The following ARHGAP1 variants were observed in gnomAD, a reference collection of about 807,000 sequenced individuals.
ARHGAP1 encodes rho GTPase-activating protein 1.
In ARHGAP1, 23 loss-of-function variants were observed where a neutral mutation model predicts 52.2. The observed-to-expected ratio is 0.44, with a 90% CI of 0.32 to 0.62. The LOEUF is 0.62. Ranked by LOEUF, ARHGAP1 falls within the 20% of genes least tolerant of loss-of-function variation. ARHGAP1 has a pLI of 0.05. For synonymous variants in ARHGAP1, 210 were observed against 228.4 expected (o/e 0.92, Z 0.73); for missense variants, 480 against 560.9 (o/e 0.86, Z 1.46).
chr11:46,688,235 G>A lies in ARHGAP1; in HGVS notation c.255C>T (p.Ile85=). The A allele has an allele frequency of 6.2e-7, 1 of 1,614,024 alleles. No individual in the cohort carries two copies. ...VAGDDKYGRK[I]IVFSACRMPP... ...GCATTCGACAGGCACTAAACACAAT[G>A]ATCTTCCGCCCATACTTGTCATCTC... The change falls in exon 4 of 13, where the codon ATC becomes ATT. Residue 85 remains isoleucine, a synonymous_variant. Transcript: ENST00000311956.
chr11:46,680,834 A>T lies in ARHGAP1; in HGVS notation c.636-87T>A. On this transcript the variant is annotated intron_variant, in intron 7 of 12. Coordinates refer to ENST00000311956, the MANE Select transcript of ARHGAP1 (RefSeq NM_004308.5). The surrounding 1 kb of genome is among the most constrained non-coding windows in gnomAD (Gnocchi z 5.9). ...AATCAAGCATTGACCACGCGGGGTC[A>T]GGAGGATCATCTCATGCGATCTCTG... The T allele has an allele frequency of 2.6e-6, 3 of 1,148,198 alleles. No homozygotes were observed. The highest frequency in any genetic ancestry group is 3.7e-6 in the Non-Finnish European group (3 of 811,116). The allele number at this position is 1,148,198 out of a possible 1,614,324, so 71.1% of individuals were successfully genotyped here.
At position 46,680,307 on chromosome 11, in the gene ARHGAP1, G is replaced by A. The variant is rs371547484; in HGVS notation, c.821-25C>T. Reference sequence around the variant, plus strand: ...GCTGGGAAACAGTAGGGCCTGGTGAGCCTCCGAGCGCTGGGCACCGGCTGG... The same window carrying A: ...GCTGGGAAACAGTAGGGCCTGGTGAACCTCCGAGCGCTGGGCACCGGCTGG... On this transcript the variant is annotated intron_variant, in intron 9 of 12. Transcript: ENST00000311956. The surrounding 1 kb of genome is among the most constrained non-coding windows in gnomAD (Gnocchi z 5.9). 3.1e-6 allele frequency: 5 copies of A among 1,612,624 alleles called. No homozygotes were observed. In the African/African-American group the frequency reaches 4.0e-5, roughly 13 times the overall value.
intron 1 of ARHGAP1, among the ~76,000 whole-genome samples, chr11:46,700,015 C>T (rs2064689161): frequency 6.6e-6 from 1 of 151,886 alleles, no homozygotes; most frequent in African/African-American, 2.4e-5. Flanking sequence ...ACTAAAAATA[C>T]AAAAATTAGC....
chr11:46,690,710 C>G (rs1391008913), intron 3 of ARHGAP1, among the ~76,000 whole-genome samples: 1 of 152,168 alleles, frequency 6.6e-6, no homozygotes. Flanking sequence ...TTAGCTGCCC[C>G]TTTTCATGGC....
At position 46,679,794 on chromosome 11, in the gene ARHGAP1, TGA is replaced by T. The variant is rs753477070; in HGVS notation, c.899-20_899-19del. On this transcript the variant is annotated intron_variant, in intron 10 of 12. Transcript: ENST00000311956. This position sits in a 1 kb window ranked among gnomAD's most constrained non-coding sequence, Gnocchi z 4.4. Reference sequence around the variant, plus strand: ...AGGCAGCCCTGGGGTGGGGGCAGCGTGAGAGAAGCTCGGCACAGCCTGAAGGG... The same window carrying T: ...AGGCAGCCCTGGGGTGGGGGCAGCGTGAGAAGCTCGGCACAGCCTGAAGGG... 4.3e-6 allele frequency: 7 copies of T among 1,612,524 alleles called. No homozygotes were observed. In the Admixed American group the frequency reaches 1.0e-4, roughly 23 times the overall value.
In ARHGAP1 at chr11:46,681,394, TGGACAACTCA is replaced by T; in HGVS notation, c.450-25_450-16del. ...TTTTCTTGTACCTGCAGAGACAGAA[TGGACAACTCA>T]GGAGCAGGCGTGGTGGGACAGGTGC... On this transcript the variant is annotated splice_polypyrimidine_tract_variant and intron_variant, in intron 5 of 12. Coordinates refer to ENST00000311956, the MANE Select transcript of ARHGAP1 (RefSeq NM_004308.5). The surrounding 1 kb of genome is among the most constrained non-coding windows in gnomAD (Gnocchi z 5.7). 6.3e-7 allele frequency: 1 copy of T among 1,587,100 alleles called. No homozygotes were observed. Among genetic ancestry groups the T allele is most frequent in the Non-Finnish European group, 8.7e-7 (1 of 1,155,658 alleles).
chr11:46,679,950 C>T lies in ARHGAP1; in HGVS notation c.899-174G>A. The T allele has an allele frequency of 3.4e-6, 4 of 1,187,250 alleles. No homozygotes were observed. The highest frequency in any genetic ancestry group is 4.6e-6 in the Non-Finnish European group (4 of 865,106). 73.5% of individuals were successfully genotyped at this position (1,187,250 alleles called of 1,614,324 possible). The stretch of plus-strand genomic sequence containing the variant: ...CCTCTGTGATCAGAGAATGCAGGTT[C>T]CGGCCATCTGGGGAAGTGGGGCCCG... On this transcript the variant is annotated intron_variant, in intron 10 of 12. Transcript: ENST00000311956. The surrounding 1 kb of genome is among the most constrained non-coding windows in gnomAD (Gnocchi z 4.4).
At chr11:46,685,395 T>C (rs1369075789) in intron 4 of ARHGAP1, among the ~76,000 whole-genome samples, 1 of 151,658 alleles carries the variant, frequency 6.6e-6, no homozygotes. Flanking sequence ...TGGCATGATC[T>C]TGGCACACTG....
In ARHGAP1 at chr11:46,696,512, A is replaced by G. The variant is rs540902232; in HGVS notation, c.-49-356T>C. Among the ~76,000 whole-genome samples the G allele has an allele frequency of 1.9e-3, 290 of 152,308 alleles. No individual in the cohort carries two copies. Among genetic ancestry groups the G allele is most frequent in the Non-Finnish European group, 3.2e-3 (217 of 68,022 alleles). On this transcript the variant is annotated intron_variant, in intron 1 of 12. Coordinates refer to ENST00000311956, the MANE Select transcript of ARHGAP1 (RefSeq NM_004308.5). The surrounding 1 kb of genome is among the most constrained non-coding windows in gnomAD (Gnocchi z 4.8). ...GGCAGAGGTCCACGCCCCTCGCCTC[A>G]GGAGACCTGGACACAGAAGCCTCCC...
chr11:46,680,319 TG>T lies in ARHGAP1; in HGVS notation c.821-38del, dbSNP rs2064514798. ...TAGGGCCTGGTGAGCCTCCGAGCGC[TG>T]GGCACCGGCTGGATTCCCTGCCCCT... On this transcript the variant is annotated intron_variant, in intron 9 of 12. Transcript: ENST00000311956. The surrounding 1 kb of genome is among the most constrained non-coding windows in gnomAD (Gnocchi z 5.9). 3 of 1,607,824 alleles carry T rather than the reference TG, an allele frequency of 1.9e-6. No homozygotes were observed. Among genetic ancestry groups the T allele is most frequent in the Non-Finnish European group, 2.6e-6 (3 of 1,174,688 alleles).
chr11:46,687,501 T>A (rs1437463712), intron 4 of ARHGAP1: 1 of 152,314 alleles, frequency 6.6e-6, no homozygotes, highest in Non-Finnish European at 1.5e-5. Flanking sequence ...AAGAACTGCA[T>A]CTTTCTAAAA....
Position 46,678,013 on chromosome 11 carries a change from T to A in ARHGAP1, c.*1024A>T. 2.4e-6 allele frequency: 1 copy of A among 419,640 alleles called. No homozygotes were observed. The highest frequency in any genetic ancestry group is 4.7e-6 in the Non-Finnish European group (1 of 214,602). The allele number at this position is 419,640 out of a possible 1,614,324, so 26.0% of individuals were successfully genotyped here. ...GGGAAATTGCTAGAACCCACCTATCTGGACTGACCTATCAGCACAATCTCT... is the reference window on the plus strand; with the variant it reads ...GGGAAATTGCTAGAACCCACCTATCAGGACTGACCTATCAGCACAATCTCT... On this transcript the variant is annotated 3_prime_UTR_variant, in exon 13 of 13. Transcript: ENST00000311956.
In ARHGAP1 at chr11:46,677,650, C is replaced by CTTT. The variant is rs374193595; in HGVS notation, c.*1384_*1386dup. ...ATCAGCCATCACTGGGGCCGAGGTT[C>CTTT]TTTGAAAGACAACAGGGCTGGCCGG... On this transcript the variant is annotated 3_prime_UTR_variant, in exon 13 of 13. Transcript: ENST00000311956. 2.2e-5 allele frequency: 5 copies of CTTT among 230,766 alleles called. No homozygotes were observed. The highest frequency in any genetic ancestry group is 1.2e-4 in the African/African-American group (5 of 42,096). The allele number at this position is 230,766 out of a possible 1,614,324, so 14.3% of individuals were successfully genotyped here.
intron 1 of ARHGAP1, among the ~76,000 whole-genome samples, chr11:46,699,689 T>C (rs1413981181): frequency 2.3e-5 from 3 of 128,082 alleles, no homozygotes; most frequent in African/African-American, 3.1e-5. Context: ...GGCGACAGAG[T>C]GAGACTCCGT....
intron 3 of ARHGAP1, among the ~76,000 whole-genome samples, chr11:46,689,467 A>G (rs2064595212): frequency 6.6e-6 from 1 of 152,206 alleles, no homozygotes; most frequent in South Asian, 2.1e-4. Context: ...GACATTATGC[A>G]CTAAATATTA....
chr11:46,683,968 A>G (rs547459892), intron 4 of ARHGAP1, among the ~76,000 whole-genome samples: 14 of 152,296 alleles, frequency 9.2e-5, no homozygotes, highest in Admixed American at 6.5e-4. Context: ...TTGGCCAAAC[A>G]GCTCCTAGGC....
chr11:46,679,229 T>C lies in ARHGAP1; in HGVS notation c.1132-4A>G. 1 of 1,597,440 alleles carries C rather than the reference T, an allele frequency of 6.3e-7. No individual in the cohort carries two copies. The highest frequency in any genetic ancestry group is 8.5e-7 in the Non-Finnish European group (1 of 1,170,320). On this transcript the variant is annotated splice_polypyrimidine_tract_variant and splice_region_variant and intron_variant, in intron 12 of 12. Coordinates refer to ENST00000311956, the MANE Select transcript of ARHGAP1 (RefSeq NM_004308.5). The surrounding 1 kb of genome is among the most constrained non-coding windows in gnomAD (Gnocchi z 4.4). ...TCTGGTCACTGTGTGCAGAAATCTG[T>C]GGAGGGAATCAGGGACTGCAGCAGG...
rs1196118614 is a variant in ARHGAP1, at chr11:46,680,024, C to T, written c.898+181G>A. On this transcript the variant is annotated intron_variant, in intron 10 of 12. Coordinates refer to ENST00000311956, the MANE Select transcript of ARHGAP1 (RefSeq NM_004308.5). The surrounding 1 kb of genome is among the most constrained non-coding windows in gnomAD (Gnocchi z 5.9). The stretch of plus-strand genomic sequence containing the variant: ...CCTCTGAATGTGCCTATACCCAGGA[C>T]CCGGGAGCCCGACCGATGAGGCAGC... Among the ~76,000 whole-genome samples the T allele has an allele frequency of 6.6e-6, 1 of 152,100 alleles. No individual in the cohort carries two copies. Among genetic ancestry groups the T allele is most frequent in the Non-Finnish European group, 1.5e-5 (1 of 68,002 alleles).
chr11:46,680,417 C>T lies in ARHGAP1; in HGVS notation c.820+70G>A. 1.3e-6 allele frequency: 2 copies of T among 1,597,114 alleles called. No individual in the cohort carries two copies. The highest frequency in any genetic ancestry group is 1.7e-6 in the Non-Finnish European group (2 of 1,165,304). On this transcript the variant is annotated intron_variant, in intron 9 of 12. Transcript: ENST00000311956. The surrounding 1 kb of genome is among the most constrained non-coding windows in gnomAD (Gnocchi z 5.9). Reference sequence around the variant, plus strand: ...TTGCAGGACCTCCCTCTGCCCTGCCCAGCAGCTTCCCCAGCTTCCTGAAGG... The same window carrying T: ...TTGCAGGACCTCCCTCTGCCCTGCCTAGCAGCTTCCCCAGCTTCCTGAAGG...
Sources: allele counts gnomAD v4.1 joint callset (sites outside exome capture counted in the v4.1 genomes callset), GRCh38; gene constraint gnomAD v4.1.1; non-coding constraint Gnocchi (gnomAD v3.1); transcripts MANE v1.5; gene names NCBI Gene and HGNC (gene_info 2026-07-23, HGNC 2026-07-21).